DYSF: variants seen among roughly 807,000 people sequenced by gnomAD.
The protein encoded by DYSF is dystrophy-associated fer-1-like 1.
Under a neutral mutation model 274.9 loss-of-function variants are expected in DYSF, and 212 were observed. That is an observed-to-expected ratio of 0.77 (90% CI 0.69 to 0.86). The LOEUF (loss-of-function observed/expected upper bound fraction) is 0.86. Among genes scored for constraint, DYSF ranks in the 40% least tolerant of loss-of-function variants. The pLI, the probability that DYSF is intolerant of heterozygous loss-of-function variation, is 0.00. For missense variants in DYSF, 2,666 were observed against 2,783.2 expected, an observed-to-expected ratio of 0.96 and a Z score of 0.95; for synonymous variants, 1,091 against 1,078.7, an observed-to-expected ratio of 1.01 and a Z score of -0.22.
chr2:71,641,470 A>G (rs1276592455), intron 41 of DYSF, among the ~76,000 whole-genome samples: 1 of 152,084 alleles, frequency 6.6e-6, no homozygotes, highest in Admixed American at 6.6e-5. Flanking sequence ...ATCTATTTTA[A>G]TGGTCTTTTG....
chr2:71,598,839 G>A, intron 33 of DYSF, 94 bp downstream of exon 33: 1 of 1,454,290 alleles, frequency 6.9e-7, no homozygotes, highest in South Asian at 1.2e-5. Context: ...CAGCCAGATG[G>A]GTGCTCTCCT....
At chr2:71,592,192 G>C (rs753095881) in intron 32 of DYSF, among the ~76,000 whole-genome samples, 1 of 152,164 alleles carries the variant, frequency 6.6e-6, no homozygotes, top group Non-Finnish European at 1.5e-5. Context: ...TGGGCCCTGC[G>C]GGCCGAGCAC....
At chr2:71,669,076 G>A (rs754270550) in intron 49 of DYSF, 36 bp from the exon 50 acceptor site, 14 of 1,540,976 alleles carry the variant, frequency 9.1e-6, no homozygotes, top group Admixed American at 7.7e-5. Context: ...CCTTTGGTAG[G>A]AAATCTAGGT....
chr2:71,478,230 G>A (rs911182209), intron 1 of DYSF, among the ~76,000 whole-genome samples: 18 of 87,608 alleles, frequency 2.1e-4, no homozygotes, highest in African/African-American at 7.7e-4. Context: ...TTTTTTTTTT[G>A]AGGCAGAGTC....
chr2:71,511,967 G>A, intron 5 of DYSF, 46 bp downstream of exon 5: 1 of 1,243,480 alleles, frequency 8.0e-7, no homozygotes, highest in Non-Finnish European at 1.2e-6. Context: ...AAGAAGGCCG[G>A]CAGTGGCACT....
intron 42 of DYSF, among the ~76,000 whole-genome samples, chr2:71,651,171 A>G (rs548613807): frequency 5.9e-5 from 9 of 152,158 alleles, no homozygotes; most frequent in Non-Finnish European, 1.2e-4. Flanking sequence ...CAGGACAAAA[A>G]AAGAGAAAAG....
intron 4 of DYSF, among the ~76,000 whole-genome samples, chr2:71,509,365 G>A (rs1406893519): frequency 6.6e-6 from 1 of 151,742 alleles, no homozygotes; most frequent in East Asian, 1.9e-4. Context: ...GTCTCACTAT[G>A]TTGTCCAGGC....
rs1163037004 is a variant in DYSF at position 71,664,333 on chromosome 2, ACCT to A, written c.5074_5076del (p.Leu1692del). The A allele has an allele frequency of 6.2e-7, 1 of 1,613,660 alleles. No homozygotes were observed. Among genetic ancestry groups the A allele is most frequent in the East Asian group, 2.2e-5 (1 of 44,862 alleles). ...CTAAAGATCACTCTCTATGACTATGACCTCCTCTCCAAGGACGAAAAGATCGGT... is the reference window on the plus strand; with the variant it reads ...CTAAAGATCACTCTCTATGACTATGACCTCTCCAAGGACGAAAAGATCGGT... On this transcript the variant is annotated inframe_deletion, in exon 46 of 56. Transcript: ENST00000410020.
At chr2:71,552,810 T>C (rs1267594532) in intron 19 of DYSF, among the ~76,000 whole-genome samples, 3 of 152,216 alleles carry the variant, frequency 2.0e-5, no homozygotes, top group African/African-American at 7.2e-5. Context: ...GCCAGACACA[T>C]GCAGACCTGG....
intron 48 of DYSF, 151 bp downstream of exon 48, chr2:71,667,666 T>C: frequency 1.6e-6 from 2 of 1,269,054 alleles, no homozygotes; most frequent in Non-Finnish European, 2.2e-6. Flanking sequence ...AGTGCGGCCA[T>C]GGTTGGCCTG....
intron 1 of DYSF, among the ~76,000 whole-genome samples, chr2:71,461,695 C>T (rs766144238): frequency 1.3e-5 from 2 of 152,200 alleles, no homozygotes; most frequent in Non-Finnish European, 2.9e-5. Context: ...CTAGGAGGCA[C>T]CTGCAGTGGC....
intron 17 of DYSF, among the ~76,000 whole-genome samples, chr2:71,542,939 A>AC (rs1391687972): frequency 6.6e-6 from 1 of 151,598 alleles, no homozygotes; most frequent in African/African-American, 2.4e-5. Context: ...CACTTCCCAG[A>AC]AGGGGCGGCC....
At chr2:71,661,383 G>A (rs1157104470) in intron 45 of DYSF, among the ~76,000 whole-genome samples, 1 of 152,010 alleles carries the variant, frequency 6.6e-6, no homozygotes. Context: ...GGTGCATTAC[G>A]TTTAACCAAA....
chr2:71,590,169 CA>C, intron 31 of DYSF, 41 bp from the exon 32 acceptor site: 1 of 1,607,222 alleles, frequency 6.2e-7, no homozygotes, highest in Non-Finnish European at 8.5e-7. Context: ...TTAACCACTC[CA>C]GCCACTCACT....
intron 3 of DYSF, among the ~76,000 whole-genome samples, chr2:71,487,889 T>C (rs1310209749): frequency 1.3e-5 from 2 of 152,224 alleles, no homozygotes; most frequent in Non-Finnish European, 2.9e-5. Context: ...GTCATTCTTG[T>C]AATTGTTTAT....
intron 36 of DYSF, among the ~76,000 whole-genome samples, chr2:71,608,881 T>C (rs757523857): frequency 2.0e-5 from 3 of 151,968 alleles, no homozygotes; most frequent in Non-Finnish European, 2.9e-5. Flanking sequence ...TGAGAAAGAT[T>C]GGTCTTTCTG....
At position 71,511,883 on chromosome 2, in the gene DYSF, A is replaced by C; in HGVS notation, c.422A>C (p.Glu141Ala). ...VPLFPPPTPL[E>A]PSPTLPDLDV... ...CTGTTCCCGCCCCCTACTCCTCTGG[A>C]GCCCTCCCCGACTCTGCCTGACCTG... Residue 141 changes from glutamate to alanine, a missense_variant, in exon 5 of 56, where the codon GAG (glutamate) becomes GCG (alanine). By Grantham distance (107) the Glu-to-Ala change is moderately radical. This residue lies in a region of DYSF where 794 missense variants were observed against 777.1 expected (regional missense o/e 1.02). Coordinates refer to ENST00000410020, the MANE Select transcript of DYSF (RefSeq NM_001130987.2). 1 of 1,551,198 alleles carries C rather than the reference A, an allele frequency of 6.4e-7. No homozygotes were observed. Among genetic ancestry groups the C allele is most frequent in the Non-Finnish European group, 8.7e-7 (1 of 1,146,810 alleles).
intron 46 of DYSF, 104 bp downstream of exon 46, chr2:71,664,542 C>G: frequency 7.1e-7 from 1 of 1,411,452 alleles, no homozygotes; most frequent in Non-Finnish European, 9.8e-7. Flanking sequence ...CAGCCCTGGG[C>G]TTAGCACTTC....
At chr2:71,667,284 T>G in intron 47 of DYSF, 92 bp from the exon 48 acceptor site, 1 of 1,597,052 alleles carries the variant, frequency 6.3e-7, no homozygotes, top group Non-Finnish European at 8.6e-7. Flanking sequence ...CTTATGACTC[T>G]TAGGCAGCCC....
Sources: allele counts gnomAD v4.1 joint callset (sites outside exome capture counted in the v4.1 genomes callset), GRCh38; gene constraint gnomAD v4.1.1; regional missense constraint gnomAD v4.1.1; transcripts MANE v1.5; gene names NCBI Gene and HGNC (gene_info 2026-07-23, HGNC 2026-07-21).